Variants in MCM10 observed in about 807,000 individuals in gnomAD.
MCM10 encodes minichromosome maintenance 10 replication initiation factor.
In MCM10, 91 loss-of-function variants were observed where a neutral mutation model predicts 109.9. The observed-to-expected ratio is 0.83, with a 90% CI of 0.70 to 0.99. MCM10 has a LOEUF of 0.99. Ranked by LOEUF, MCM10 falls within the 50% of genes least tolerant of loss-of-function variation. The probability of loss-of-function intolerance (pLI) is 0.00; values close to 1 mark genes in which losing one functional copy is unlikely to be tolerated. For synonymous variants in MCM10, 380 were observed against 387.2 expected (o/e 0.98, Z 0.22); for missense variants, 1,077 against 1,061.2 (o/e 1.01, Z -0.21).
At chr10:13,190,253 A>C (rs1173466125) in intron 10 of MCM10, among the ~76,000 whole-genome samples, 1 of 152,242 alleles carries the variant, frequency 6.6e-6, no homozygotes, top group Non-Finnish European at 1.5e-5. Context: ...AACAGTAAGC[A>C]TGTTTTTGAG....
chr10:13,166,200 G>C (rs1043831957), intron 2 of MCM10, among the ~76,000 whole-genome samples: 3 of 152,026 alleles, frequency 2.0e-5, no homozygotes, highest in Non-Finnish European at 4.4e-5. Context: ...CTGAGAAGTG[G>C]GACCCAATGT....
At chr10:13,203,312 C>T (rs573573223) in intron 17 of MCM10, among the ~76,000 whole-genome samples, 1 of 152,306 alleles carries the variant, frequency 6.6e-6, no homozygotes, top group South Asian at 2.1e-4. Context: ...TTCCTCCATG[C>T]AGCCAGCGGC....
At position 13,182,939 on chromosome 10, in the gene MCM10, A is replaced by G. The variant is rs1393412489; in HGVS notation, c.937A>G (p.Thr313Ala). 2 of 1,611,674 alleles carry G rather than the reference A, an allele frequency of 1.2e-6. No individual in the cohort carries two copies. The highest frequency in any genetic ancestry group is 1.7e-5 in the Admixed American group (1 of 59,562). The change falls in exon 8 of 20, where the codon ACC becomes GCC. Residue 313 changes from threonine to alanine, a missense_variant. Coordinates refer to ENST00000378714, the MANE Select transcript of MCM10 (RefSeq NM_018518.5). This position sits in a 1 kb window ranked among gnomAD's most constrained non-coding sequence, Gnocchi z 4.2. ...VTPQSVNSGK[T>A]FSIWKLNDLR... ...AAATAACTATTTGTTCCAGGGAAAA[A>G]CCTTCAGCATATGGAAACTGAATGA...
intron 5 of MCM10, 53 bp from the exon 6 acceptor site, chr10:13,175,457 C>T (rs56401071): frequency 0.033 from 48,249 of 1,479,206 alleles, 892 homozygotes; most frequent in Non-Finnish European, 0.037. Context: ...TTCCAAATTC[C>T]GTTCGTGATT....
intron 6 of MCM10, 60 bp from the exon 7 acceptor site, chr10:13,180,382 A>T: frequency 6.8e-7 from 1 of 1,463,852 alleles, no homozygotes; most frequent in Non-Finnish European, 9.3e-7. Context: ...CCACCTGCTA[A>T]GGTGCCAGGT....
At chr10:13,195,558 T>C (rs1408757714) in intron 14 of MCM10, 2 of 186,182 alleles carry the variant, frequency 1.1e-5, no homozygotes, top group Non-Finnish European at 2.2e-5. Context: ...TGTAAAATGG[T>C]GGTTTAAGGA....
chr10:13,204,545 C>T, intron 18 of MCM10, 181 bp downstream of exon 18: 1 of 669,112 alleles, frequency 1.5e-6, no homozygotes, highest in Non-Finnish European at 2.5e-6. Flanking sequence ...CCTGCCCTTT[C>T]ACTGCTGTCC....
intron 18 of MCM10, among the ~76,000 whole-genome samples, chr10:13,206,389 G>C (rs1293314559): frequency 2.0e-5 from 3 of 152,094 alleles, no homozygotes; most frequent in African/African-American, 7.2e-5. Context: ...AGCTCTCACT[G>C]GGATAGTATC....
At chr10:13,188,262 C>G (rs1040156491) in intron 9 of MCM10, among the ~76,000 whole-genome samples, 1 of 152,162 alleles carries the variant, frequency 6.6e-6, no homozygotes, top group African/African-American at 2.4e-5. Flanking sequence ...ACCAGAGAAA[C>G]AGCTAGAAAA....
chr10:13,164,170 G>C lies in MCM10; in HGVS notation c.-33G>C. The C allele has an allele frequency of 1.3e-6, 2 of 1,572,650 alleles. No homozygotes were observed. Among genetic ancestry groups the C allele is most frequent in the Non-Finnish European group, 1.7e-6 (2 of 1,166,512 alleles). On this transcript the variant is annotated 5_prime_UTR_variant, in exon 2 of 20. Transcript: ENST00000378714. ...TCATCTGGGCATCTGAGCCTCCTTC[G>C]AAGTTTCCTGTCACAACTGTCCTCT...
chr10:13,189,480 G>A (rs1039254067), intron 10 of MCM10, among the ~76,000 whole-genome samples: 2 of 151,996 alleles, frequency 1.3e-5, no homozygotes, highest in African/African-American at 2.4e-5. Context: ...GTGCCACCAC[G>A]CCCAGCTAAT....
At chr10:13,188,812 CTG>C (rs1834307682) in intron 9 of MCM10, 67 bp from the exon 10 acceptor site, 1 of 1,332,206 alleles carries the variant, frequency 7.5e-7, no homozygotes. Flanking sequence ...GGAGAAGGAA[CTG>C]TGTCTGCTCA....
rs978980960 is a variant in MCM10, at chr10:13,161,618, G to A, written c.-76+12G>A. 6.6e-6 allele frequency: 1 copy of A among 152,338 alleles called. No homozygotes were observed. Among genetic ancestry groups the A allele is most frequent in the African/African-American group, 2.4e-5 (1 of 41,466 alleles). 9.4% of individuals were successfully genotyped at this position (152,338 alleles called of 1,614,324 possible). A position where few individuals can be genotyped will look rare whatever the true frequency, so the allele number is the denominator to read the frequency against. On this transcript the variant is annotated intron_variant, in intron 1 of 19. Coordinates refer to ENST00000378714, the MANE Select transcript of MCM10 (RefSeq NM_018518.5). ...CGTCCCGGCATCGGGTGAGGAGCGC[G>A]GGCCCCGGGCGTGCGTGTGACCCTC...
chr10:13,179,512 C>T (rs547312536), intron 6 of MCM10, among the ~76,000 whole-genome samples: 1 of 152,188 alleles, frequency 6.6e-6, no homozygotes, highest in Non-Finnish European at 1.5e-5. Context: ...ATTGTTCAAA[C>T]TTAGCTCTGG....
intron 11 of MCM10, 24 bp from the exon 12 acceptor site, chr10:13,192,230 TA>T: frequency 6.7e-7 from 1 of 1,503,754 alleles, no homozygotes; most frequent in Non-Finnish European, 9.2e-7. Flanking sequence ...GTGAATCCTC[TA>T]AAGCTGGTGT....
chr10:13,204,133 A>C, intron 17 of MCM10, 86 bp from the exon 18 acceptor site: 2 of 1,508,358 alleles, frequency 1.3e-6, no homozygotes, highest in Non-Finnish European at 1.8e-6. Flanking sequence ...CCAGGTGGTC[A>C]TGGAGCAGAT....
chr10:13,202,970 G>A (rs1834520236), intron 17 of MCM10, among the ~76,000 whole-genome samples: 2 of 152,102 alleles, frequency 1.3e-5, no homozygotes, highest in Middle Eastern at 3.4e-3. Context: ...TCAGCCTCCC[G>A]AGTAGCTGGG....
At chr10:13,207,377 T>C (rs896716687) in intron 18 of MCM10, among the ~76,000 whole-genome samples, 1 of 152,116 alleles carries the variant, frequency 6.6e-6, no homozygotes, top group Admixed American at 6.6e-5. Flanking sequence ...TTATCATTGA[T>C]CGACATATAG....
intron 6 of MCM10, among the ~76,000 whole-genome samples, chr10:13,179,938 G>A (rs1298032760): frequency 6.6e-6 from 1 of 152,146 alleles, no homozygotes. Flanking sequence ...TATATCCAAA[G>A]AAAGGCAAAC....
Sources: gnomAD v4.1 joint callset for allele counts (sites outside exome capture counted in the v4.1 genomes callset) on GRCh38, gnomAD v4.1.1 for gene constraint, Gnocchi (gnomAD v3.1) non-coding constraint, MANE v1.5 for transcripts, NCBI Gene and HGNC (gene_info 2026-07-23, HGNC 2026-07-21) for gene names.